The following CASP6 variants were observed in gnomAD, a reference collection of about 807,000 sequenced individuals.
CASP6 encodes the protein caspase 6.
In CASP6, 20 loss-of-function variants were observed where a neutral mutation model predicts 31.8. That is an observed-to-expected ratio of 0.63 (90% CI 0.44 to 0.91). CASP6 has a LOEUF of 0.91. Among genes scored for constraint, CASP6 ranks in the 40% least tolerant of loss-of-function variants. The probability of loss-of-function intolerance (pLI) is 0.00; values close to 1 mark genes in which losing one functional copy is unlikely to be tolerated. For missense variants in CASP6, 328 were observed against 361.1 expected, an observed-to-expected ratio of 0.91 and a Z score of 0.74; for synonymous variants, 130 against 127.8, an observed-to-expected ratio of 1.02 and a Z score of -0.12.
chr4:109,697,594 C>T (rs200684565), intron 3 of CASP6, 28 bp downstream of exon 3: 1 of 1,588,616 alleles, frequency 6.3e-7, no homozygotes, highest in Admixed American at 1.8e-5. Context: ...TTAACTGCCT[C>T]ATCTTGATAG....
At chr4:109,682,856 C>A in the CASP6 span, 2 of 762,432 alleles carry the variant, frequency 2.6e-6, no homozygotes, top group Non-Finnish European at 4.1e-6. Flanking sequence ...CTCCTTTACG[C>A]CTCACAAAAA....
the CASP6 span, among the ~76,000 whole-genome samples, chr4:109,672,382 G>C: frequency 6.6e-6 from 1 of 152,200 alleles, no homozygotes; most frequent in African/African-American, 2.4e-5. Flanking sequence ...TAAAACTCAT[G>C]AAAGTGTGGG....
downstream of CASP6, chr4:109,688,423 A>G (rs1729906156): frequency 6.6e-6 from 1 of 152,222 alleles, no homozygotes; most frequent in Non-Finnish European, 1.5e-5. Flanking sequence ...TATAGTGGCT[A>G]AGAATTATGT....
At chr4:109,685,041 C>T (rs1729805945), downstream of CASP6, 1 of 417,186 alleles carries the variant, frequency 2.4e-6, no homozygotes, top group Non-Finnish European at 4.2e-6. Flanking sequence ...TTTCTCTTCC[C>T]AGCTTGCCTG....
At chr4:109,678,479 G>A in the CASP6 span, among the ~76,000 whole-genome samples, 249 of 146,434 alleles carry the variant, frequency 1.7e-3, 1 homozygote, top group African/African-American at 5.4e-3. Context: ...CAGACGGGGC[G>A]GCCGGGCAGA....
upstream of CASP6, among the ~76,000 whole-genome samples, chr4:109,706,013 T>A (rs1449962821): frequency 1.1e-5 from 1 of 94,556 alleles, no homozygotes; most frequent in Non-Finnish European, 2.0e-5. Context: ...TATATATATA[T>A]ATATATATAT....
Position 109,698,446 on chromosome 4 carries a change from C to G in CASP6, c.41-104G>C. 7.3e-6 allele frequency: 7 copies of G among 955,418 alleles called. 3 individuals are homozygous for G. In the South Asian group the frequency reaches 1.2e-4, roughly 16 times the overall value. 59.2% of individuals were successfully genotyped at this position (955,418 alleles called of 1,614,324 possible). ...TGACTCCCAAACTCTTAAGACCCTT[C>G]TGTTTTGGTTAGTTTAAAAGCCAAA... On this transcript the variant is annotated intron_variant, in intron 1 of 6. Transcript: ENST00000265164.
At chr4:109,690,809 C>G (rs1730026225) in intron 6 of CASP6, 41 bp downstream of exon 6, 6 of 1,555,526 alleles carry the variant, frequency 3.9e-6, no homozygotes, top group Non-Finnish European at 5.2e-6. Flanking sequence ...AGGACCTTAG[C>G]CAAGAGAGGC....
At chr4:109,679,842 C>T in the CASP6 span, among the ~76,000 whole-genome samples, 1 of 151,942 alleles carries the variant, frequency 6.6e-6, no homozygotes, top group Non-Finnish European at 1.5e-5. Context: ...CTCTGTGTCA[C>T]CCAGGCTGGA....
intron 5 of CASP6, 47 bp from the exon 6 acceptor site, chr4:109,691,056 T>A: frequency 6.4e-7 from 1 of 1,568,132 alleles, no homozygotes; most frequent in South Asian, 1.2e-5. Flanking sequence ...ACTGTTTCCT[T>A]CCCAGTGCTT....
At chr4:109,677,908 C>G in the CASP6 span, among the ~76,000 whole-genome samples, 1 of 142,836 alleles carries the variant, frequency 7.0e-6, no homozygotes. Context: ...GAGAGAAGGT[C>G]AGCAGATAAA....
At chr4:109,675,618 G>C in the CASP6 span, among the ~76,000 whole-genome samples, 1 of 152,326 alleles carries the variant, frequency 6.6e-6, no homozygotes, top group Admixed American at 6.5e-5. Flanking sequence ...GCTGTACTTT[G>C]AGTATGTTTC....
the CASP6 span, among the ~76,000 whole-genome samples, chr4:109,676,175 G>A: frequency 6.6e-6 from 1 of 152,132 alleles, no homozygotes; most frequent in Non-Finnish European, 1.5e-5. Flanking sequence ...GCTCGGAAGA[G>A]AATAGCTGTA....
rs546869247 is a variant in CASP6, at chr4:109,698,117, C to T, written c.83+183G>A. On this transcript the variant is annotated intron_variant, in intron 2 of 6. Coordinates refer to ENST00000265164, the MANE Select transcript of CASP6 (RefSeq NM_001226.4). ...TTAATATGCATTCTGAACATCACTC[C>T]GGGTCCCTCGACAACCAGGGGCAGC... 5.3e-5 allele frequency among the ~76,000 whole-genome samples: 8 copies of T among 152,262 alleles called. No homozygotes were observed. In the South Asian group the frequency reaches 6.2e-4, roughly 12 times the overall value.
At chr4:109,700,986 T>G (rs1007827767) in intron 1 of CASP6, among the ~76,000 whole-genome samples, 1 of 152,112 alleles carries the variant, frequency 6.6e-6, no homozygotes, top group Non-Finnish European at 1.5e-5. Flanking sequence ...TGGGATGGAG[T>G]CTTGCTCTGT....
the CASP6 span, among the ~76,000 whole-genome samples, chr4:109,676,685 A>G: frequency 6.6e-6 from 1 of 152,228 alleles, no homozygotes; most frequent in African/African-American, 2.4e-5. Flanking sequence ...TTTCTGCTGC[A>G]ATAGCAGAAT....
chr4:109,703,287 C>T (rs1730486120), intron 1 of CASP6, 69 bp downstream of exon 1: 3 of 1,545,156 alleles, frequency 1.9e-6, no homozygotes, highest in Non-Finnish European at 2.6e-6. Flanking sequence ...GGTCCACTAA[C>T]CCTCGTTTCC....
intron 1 of CASP6, among the ~76,000 whole-genome samples, chr4:109,700,730 C>G (rs1251104868): frequency 2.0e-5 from 3 of 152,156 alleles, no homozygotes; most frequent in Non-Finnish European, 2.9e-5. Flanking sequence ...CCTGCAGTAC[C>G]AGTTAATGAC....
At chr4:109,687,056 A>G (rs1055028962), downstream of CASP6, among the ~76,000 whole-genome samples, 3 of 152,046 alleles carry the variant, frequency 2.0e-5, no homozygotes, top group Non-Finnish European at 4.4e-5. Context: ...GTAAACTTAA[A>G]CTCATCTTTT....
Sources: allele counts gnomAD v4.1 joint callset (sites outside exome capture counted in the v4.1 genomes callset), GRCh38; gene constraint gnomAD v4.1.1; transcripts MANE v1.5; gene names NCBI Gene and HGNC (gene_info 2026-07-23, HGNC 2026-07-21).